Variants in TMTC2 observed in about 807,000 individuals in gnomAD.
TMTC2 encodes transmembrane O-mannosyltransferase targeting cadherins 2.
Under a neutral mutation model 82.4 loss-of-function variants are expected in TMTC2, and 43 were observed. The observed-to-expected ratio is 0.52, with a 90% confidence interval of 0.41 to 0.67. The LOEUF is 0.67. Among genes scored for constraint, TMTC2 ranks in the 30% least tolerant of loss-of-function variants. The pLI is 0.00. For synonymous variants in TMTC2, 408 were observed against 381.9 expected, an observed-to-expected ratio of 1.07 and a Z score of -0.80; for missense variants, 919 against 1,012.4, an observed-to-expected ratio of 0.91 and a Z score of 1.25.
intron 4 of TMTC2, among the ~76,000 whole-genome samples, chr12:82,940,014 CTTTT>C (rs71309537): frequency 1.1e-5 from 1 of 91,264 alleles, no homozygotes; most frequent in Non-Finnish European, 2.2e-5. Flanking sequence ...TCTTTCTTTA[CTTTT>C]TTTTTTTTTT....
rs1371890915 is a variant in TMTC2 at position 82,716,222 on chromosome 12, T to TGA, written c.83+28553_83+28554insGA. Among the ~76,000 whole-genome samples, 3 of 152,332 alleles carry TGA rather than the reference T, an allele frequency of 2.0e-5. No homozygotes were observed. The East Asian group carries it at 5.8e-4, about 29-fold the overall frequency. On this transcript the variant is annotated intron_variant, in intron 1 of 11. Transcript: ENST00000321196. ...TACTGTCTTCTAAAGAGCAAGCTTT[T>TGA]TATTTCTAGACATCTAGTCTTATTT...
chr12:82,836,647 GA>G (rs1870057075), intron 1 of TMTC2, among the ~76,000 whole-genome samples: 1 of 152,186 alleles, frequency 6.6e-6, no homozygotes, highest in Non-Finnish European at 1.5e-5. Flanking sequence ...ATGACCTCCA[GA>G]ATAGAAATAT....
At chr12:82,800,765 G>A (rs895265554) in intron 1 of TMTC2, among the ~76,000 whole-genome samples, 2 of 152,008 alleles carry the variant, frequency 1.3e-5, no homozygotes, top group African/African-American at 2.4e-5. Context: ...TGTCCTTGTC[G>A]ATTTTTAACT....
At chr12:83,103,710 A>C (rs569656125) in intron 11 of TMTC2, among the ~76,000 whole-genome samples, 1 of 152,318 alleles carries the variant, frequency 6.6e-6, no homozygotes, top group African/African-American at 2.4e-5. Flanking sequence ...CCCAAATTTC[A>C]TGTCCTTCTC....
chr12:82,798,796 T>A (rs1206900807), intron 1 of TMTC2, among the ~76,000 whole-genome samples: 1 of 118,256 alleles, frequency 8.5e-6, no homozygotes, highest in African/African-American at 3.4e-5. Context: ...AACAAGAGGG[T>A]AACTCCGTCT....
intron 9 of TMTC2, among the ~76,000 whole-genome samples, chr12:83,047,840 G>T (rs1195173663): frequency 6.6e-6 from 1 of 152,166 alleles, no homozygotes; most frequent in African/African-American, 2.4e-5. Context: ...TAGTTAATTT[G>T]ATTTTACAAA....
At chr12:82,867,319 T>A (rs1216160896) in intron 2 of TMTC2, among the ~76,000 whole-genome samples, 1 of 152,178 alleles carries the variant, frequency 6.6e-6, no homozygotes, top group Non-Finnish European at 1.5e-5. Flanking sequence ...ATTTCAGGAA[T>A]CAAATAAAAT....
At chr12:83,051,066 A>T in intron 10 of TMTC2, 48 bp downstream of exon 10, 3 of 1,358,524 alleles carry the variant, frequency 2.2e-6, no homozygotes, top group Non-Finnish European at 3.1e-6. Flanking sequence ...TTGAGAGGGT[A>T]ATTAATTATA....
chr12:82,837,341 C>T (rs753761078), intron 1 of TMTC2, among the ~76,000 whole-genome samples: 8 of 152,064 alleles, frequency 5.3e-5, no homozygotes, highest in East Asian at 3.9e-4. Flanking sequence ...GGCATGGTGA[C>T]GCACATCTGT....
At chr12:82,779,234 ATGG>A (rs1877769788) in intron 1 of TMTC2, among the ~76,000 whole-genome samples, 3 of 151,920 alleles carry the variant, frequency 2.0e-5, no homozygotes, top group African/African-American at 7.3e-5. Context: ...ATGATATCTG[ATGG>A]TGGGGGCAGA....
rs1345502507 is a variant in TMTC2 at position 82,726,833 on chromosome 12, G to A, written c.83+39164G>A. ...GGCAGAGCTTGCAGTGAGCTGAGAT[G>A]GCGCCACTGCACTCCAGCCTGGGCG... On this transcript the variant is annotated intron_variant, in intron 1 of 11. Transcript: ENST00000321196. Among the ~76,000 whole-genome samples, 4 of 149,696 alleles carry A rather than the reference G, an allele frequency of 2.7e-5. No homozygotes were observed. In the South Asian group the frequency reaches 8.6e-4, roughly 32 times the overall value.
chr12:83,079,060 C>G (rs1411098796), intron 11 of TMTC2, among the ~76,000 whole-genome samples: 1 of 151,896 alleles, frequency 6.6e-6, no homozygotes, highest in Non-Finnish European at 1.5e-5. Context: ...CAATTAATAA[C>G]TACAAAAAAT....
chr12:82,738,487 A>G (rs1875230163), intron 1 of TMTC2, among the ~76,000 whole-genome samples: 1 of 152,176 alleles, frequency 6.6e-6, no homozygotes, highest in Non-Finnish European at 1.5e-5. Context: ...CCAAGAGTTT[A>G]ATAGTTACTT....
chr12:82,714,629 G>A (rs150648515), intron 1 of TMTC2, among the ~76,000 whole-genome samples: 9 of 152,234 alleles, frequency 5.9e-5, no homozygotes, highest in Admixed American at 5.2e-4. Context: ...AGATAGCTAA[G>A]CTGGCTTCCA....
chr12:82,847,939 G>A (rs1225975478), intron 1 of TMTC2, among the ~76,000 whole-genome samples: 1 of 152,056 alleles, frequency 6.6e-6, no homozygotes, highest in Non-Finnish European at 1.5e-5. Context: ...AGAACTTAAA[G>A]TATAATAATA....
intron 1 of TMTC2, among the ~76,000 whole-genome samples, chr12:82,698,043 A>T (rs1487567015): frequency 1.3e-5 from 2 of 152,190 alleles, no homozygotes; most frequent in Non-Finnish European, 2.9e-5. Context: ...GTAAGGTTAG[A>T]AATGCTTCGG....
chr12:82,951,567 C>T (rs552096213), intron 4 of TMTC2, among the ~76,000 whole-genome samples: 10 of 152,242 alleles, frequency 6.6e-5, no homozygotes, highest in Admixed American at 5.2e-4. Context: ...GCAATCCTCC[C>T]GCCTCGGCCT....
chr12:82,879,093 C>T (rs1444793237), intron 2 of TMTC2, among the ~76,000 whole-genome samples: 2 of 152,138 alleles, frequency 1.3e-5, no homozygotes, highest in African/African-American at 4.8e-5. Context: ...TTTTTGACCT[C>T]TTTGTCTCCT....
chr12:82,701,589 TAAA>T (rs763176928), intron 1 of TMTC2, among the ~76,000 whole-genome samples: 5 of 91,896 alleles, frequency 5.4e-5, no homozygotes, highest in South Asian at 3.8e-4. Context: ...CCGTCTTTAC[TAAA>T]AAAAAAAAAA....
Sources: allele counts gnomAD v4.1 joint callset (sites outside exome capture counted in the v4.1 genomes callset), GRCh38; gene constraint gnomAD v4.1.1; transcripts MANE v1.5; gene names NCBI Gene and HGNC (gene_info 2026-07-23, HGNC 2026-07-21).